EML6: variants seen among roughly 807,000 people sequenced by gnomAD.
EML6 encodes EMAP like 6.
In EML6, 154 loss-of-function variants were observed where a neutral mutation model predicts 240.1. The observed-to-expected ratio is 0.64, with a 90% confidence interval of 0.56 to 0.73. The LOEUF is 0.73. Ranked by LOEUF, EML6 falls within the 30% of genes least tolerant of loss-of-function variation. EML6 has a pLI of 0.00. For synonymous variants in EML6, 1,148 were observed against 899.0 expected (o/e 1.28, Z -4.95); for missense variants, 2,964 against 2,474.6 (o/e 1.20, Z -4.20).
At chr2:54,864,267 G>T (rs910048242) in intron 13 of EML6, among the ~76,000 whole-genome samples, 10 of 152,166 alleles carry the variant, frequency 6.6e-5, no homozygotes, top group Non-Finnish European at 1.3e-4. Flanking sequence ...GGATACCCTT[G>T]AGGCATGGTG....
intron 2 of EML6, among the ~76,000 whole-genome samples, chr2:54,790,962 T>G (rs1211386374): frequency 6.6e-6 from 1 of 151,942 alleles, no homozygotes; most frequent in Non-Finnish European, 1.5e-5. Flanking sequence ...CCTGACCTCG[T>G]GATCCGCCCG....
intron 26 of EML6, among the ~76,000 whole-genome samples, chr2:54,920,961 C>G (rs1034479763): frequency 1.3e-5 from 2 of 151,916 alleles, no homozygotes; most frequent in Non-Finnish European, 1.5e-5. Context: ...TCAACATCCT[C>G]TCATGATTAA....
intron 16 of EML6, among the ~76,000 whole-genome samples, chr2:54,875,809 T>A (rs776819087): frequency 6.6e-6 from 1 of 152,178 alleles, no homozygotes; most frequent in Non-Finnish European, 1.5e-5. Flanking sequence ...TGCTTCCATA[T>A]GAATAGAAAA....
At chr2:54,737,280 A>C (rs905467022) in intron 2 of EML6, among the ~76,000 whole-genome samples, 1 of 152,122 alleles carries the variant, frequency 6.6e-6, no homozygotes, top group Admixed American at 6.5e-5. Context: ...CGACAACAAT[A>C]ATAATGCATA....
chr2:54,896,656 G>A (rs1424140280), intron 21 of EML6, among the ~76,000 whole-genome samples: 1 of 152,174 alleles, frequency 6.6e-6, no homozygotes, highest in African/African-American at 2.4e-5. Context: ...GAACTTCCAA[G>A]ATTCCAGTGC....
chr2:54,852,897 C>G (rs1347436683), intron 10 of EML6, among the ~76,000 whole-genome samples: 1 of 152,204 alleles, frequency 6.6e-6, no homozygotes, highest in Non-Finnish European at 1.5e-5. Flanking sequence ...TTTGTGTGCT[C>G]TCTGGGGAAC....
At chr2:54,762,101 T>A (rs769810014) in intron 2 of EML6, among the ~76,000 whole-genome samples, 21 of 152,210 alleles carry the variant, frequency 1.4e-4, no homozygotes, top group Non-Finnish European at 2.9e-4. Flanking sequence ...AGATAATGTA[T>A]TGCATTTCAT....
chr2:54,725,164 G>C lies in EML6; in HGVS notation c.103G>C (p.Glu35Gln), dbSNP rs1180288948. ...RNNLYYTAGK[E>Q]VVYFVAGVGV... is the part of the protein sequence containing the mutation. ...CAACCTGTACTACACGGCAGGCAAG[G>C]AGGTGGTCTACTTTGTGGCTGGGGT... Residue 35 changes from glutamate to glutamine, a missense_variant, in exon 2 of 42, where the codon GAG (glutamate) becomes CAG (glutamine). By Grantham distance (29) the Glu-to-Gln change is conservative (BLOSUM62 2). Coordinates refer to ENST00000356458, the MANE Select transcript of EML6 (RefSeq NM_001039753.4). This position sits in a 1 kb window ranked among gnomAD's most constrained non-coding sequence, Gnocchi z 4.3. 1.3e-6 allele frequency: 2 copies of C among 1,534,130 alleles called. No homozygotes were observed. The highest frequency in any genetic ancestry group is 4.0e-5 in the Admixed American group (2 of 49,748).
chr2:54,880,000 G>C (rs891637916), intron 17 of EML6: 2 of 172,146 alleles, frequency 1.2e-5, no homozygotes, highest in African/African-American at 4.7e-5. Context: ...GTGAAGGATT[G>C]TCAATGTCAC....
chr2:54,969,683 T>C (rs1340662020), intron 41 of EML6, among the ~76,000 whole-genome samples: 2 of 152,204 alleles, frequency 1.3e-5, no homozygotes, highest in Non-Finnish European at 2.9e-5. Context: ...TTGCAGGCCT[T>C]TGTAGGCATG....
At chr2:54,735,860 A>C (rs1192510682) in intron 2 of EML6, among the ~76,000 whole-genome samples, 1 of 152,234 alleles carries the variant, frequency 6.6e-6, no homozygotes, top group Non-Finnish European at 1.5e-5. Flanking sequence ...AGCTCTAACT[A>C]AATTTGTCTT....
chr2:54,913,243 CTT>C (rs201560861), intron 25 of EML6, among the ~76,000 whole-genome samples: 10 of 144,554 alleles, frequency 6.9e-5, no homozygotes, highest in African/African-American at 2.5e-4. Context: ...CTTTTGCCCA[CTT>C]TTTTTTTTTT....
At chr2:54,799,406 C>T (rs574331332) in intron 2 of EML6, among the ~76,000 whole-genome samples, 24 of 151,606 alleles carry the variant, frequency 1.6e-4, no homozygotes, top group Middle Eastern at 3.4e-3. Context: ...TGTGTGGTGG[C>T]GCGATCTCCG....
Position 54,891,146 on chromosome 2 carries a change from A to T in EML6, c.2531A>T (p.Gln844Leu), listed in dbSNP as rs1672445611. 6.8e-7 allele frequency: 1 copy of T among 1,464,528 alleles called. No homozygotes were observed. The allele number at this position is 1,464,528 out of a possible 1,614,324, so 90.7% of individuals were successfully genotyped here. The stretch of plus-strand genomic sequence containing the variant: ...GGGATAAAACACATCAAATTCTGGC[A>T]ACAAGCAGGTACTGTCGTTTGGGTT... ...TVGIKHIKFW[Q>L]QAGGGFTSKR... The change falls in exon 18 of 42, where the codon CAA becomes CTA. Residue 844 changes from glutamine to leucine, a missense_variant. Physicochemically the swap from Gln to Leu is moderately radical, Grantham distance 113 (BLOSUM62 -2). Transcript: ENST00000356458.
chr2:54,933,439 C>T (rs746476237), intron 28 of EML6, among the ~76,000 whole-genome samples: 2 of 152,112 alleles, frequency 1.3e-5, no homozygotes, highest in Non-Finnish European at 2.9e-5. Flanking sequence ...CCATTTAAAA[C>T]TATTCTATAT....
At chr2:54,761,489 G>A (rs7567746) in intron 2 of EML6, among the ~76,000 whole-genome samples, 51,318 of 151,872 alleles carry the variant, frequency 0.34, 10,586 homozygotes, top group African/African-American at 0.57. Flanking sequence ...TATATAATAT[G>A]TGAATGTAAT....
intron 28 of EML6, 67 bp downstream of exon 28, chr2:54,928,818 T>G (rs1674701738): frequency 6.5e-7 from 1 of 1,538,838 alleles, no homozygotes; most frequent in Non-Finnish European, 8.8e-7. Context: ...TAAGCCAGAG[T>G]GCGTTTTCTT....
intron 5 of EML6, among the ~76,000 whole-genome samples, chr2:54,822,594 T>A (rs529914999): frequency 6.6e-6 from 1 of 152,344 alleles, no homozygotes; most frequent in African/African-American, 2.4e-5. Flanking sequence ...AATGATGATA[T>A]TGGGAAATAT....
intron 7 of EML6, among the ~76,000 whole-genome samples, chr2:54,834,963 T>C (rs1043654630): frequency 6.6e-6 from 1 of 152,248 alleles, no homozygotes; most frequent in African/African-American, 2.4e-5. Flanking sequence ...CTGCAATGAT[T>C]CATCTTACCC....
Sources: allele counts gnomAD v4.1 joint callset (sites outside exome capture counted in the v4.1 genomes callset), GRCh38; gene constraint gnomAD v4.1.1; non-coding constraint Gnocchi (gnomAD v3.1); transcripts MANE v1.5; gene names NCBI Gene and HGNC (gene_info 2026-07-23, HGNC 2026-07-21).